TNIK: variants seen among roughly 807,000 people sequenced by gnomAD.
The protein encoded by TNIK is TRAF2 and NCK-interacting protein kinase.
TNIK carries 49 observed loss-of-function variants against 191.3 expected under a neutral mutation model. The ratio of observed to expected loss-of-function variants is 0.26; its 90% confidence interval spans 0.20 to 0.32. TNIK has a LOEUF of 0.32. TNIK is among the 10% of genes least tolerant of loss of function. TNIK has a pLI of 1.00. For synonymous variants in TNIK, 594 were observed against 600.9 expected, an observed-to-expected ratio of 0.99 and a Z score of 0.17; for missense variants, 1,155 against 1,702.3, an observed-to-expected ratio of 0.68 and a Z score of 5.66.
chr3:171,257,756 C>T (rs1747063779), intron 2 of TNIK, among the ~76,000 whole-genome samples: 4 of 152,178 alleles, frequency 2.6e-5, no homozygotes, highest in Admixed American at 2.6e-4. Context: ...TAAACTAAGC[C>T]ACACTTGATG....
intron 1 of TNIK, among the ~76,000 whole-genome samples, chr3:171,381,291 A>T (rs1293995182): frequency 6.6e-6 from 1 of 152,160 alleles, no homozygotes. Context: ...GTTTGGGAAC[A>T]CTAGGTTAAA....
intron 2 of TNIK, among the ~76,000 whole-genome samples, chr3:171,237,956 A>T (rs1744500138): frequency 6.6e-6 from 1 of 152,224 alleles, no homozygotes; most frequent in Non-Finnish European, 1.5e-5. Context: ...GACTGGAGAC[A>T]GCAACATTCT....
At chr3:171,381,028 C>T (rs1038042342) in intron 1 of TNIK, among the ~76,000 whole-genome samples, 5 of 151,920 alleles carry the variant, frequency 3.3e-5, no homozygotes, top group African/African-American at 1.2e-4. Flanking sequence ...AAATCTCATA[C>T]AGATGTTAAT....
chr3:171,101,544 G>A lies in TNIK; in HGVS notation c.2496C>T (p.Ser832=). The A allele has an allele frequency of 6.2e-7, 1 of 1,613,428 alleles. No homozygotes were observed. Among genetic ancestry groups the A allele is most frequent in the Non-Finnish European group, 8.5e-7 (1 of 1,179,542 alleles). The change falls in exon 22 of 33, where the codon TCC becomes TCT. Residue 832 remains serine (S), a synonymous_variant. Transcript: ENST00000436636. ...CCTCGCTACTTTCTGACTCCTCACTGGAGGAGGAGTAATCAGTCACCTTCT... is the reference window on the plus strand; with the variant it reads ...CCTCGCTACTTTCTGACTCCTCACTAGAGGAGGAGTAATCAGTCACCTTCT... The part of the protein sequence containing the change: ...PMKKVTDYSS[S]SEESESSEEE...
chr3:171,401,693 T>G (rs1447019397), intron 1 of TNIK, among the ~76,000 whole-genome samples: 8 of 152,138 alleles, frequency 5.3e-5, no homozygotes, highest in Non-Finnish European at 1.2e-4. Context: ...CCAGGAGGGT[T>G]CAGAAATGTA....
chr3:171,221,071 C>T (rs1340919589), intron 3 of TNIK, among the ~76,000 whole-genome samples: 1 of 152,106 alleles, frequency 6.6e-6, no homozygotes, highest in Non-Finnish European at 1.5e-5. Flanking sequence ...ATTTTTAGAA[C>T]CCTAGAAGCT....
chr3:171,448,383 C>G (rs948145168), intron 1 of TNIK, among the ~76,000 whole-genome samples: 2 of 152,108 alleles, frequency 1.3e-5, no homozygotes, highest in African/African-American at 4.8e-5. Flanking sequence ...TGTGTCTTCT[C>G]GTGTTTGGCT....
rs142288985 is a variant in TNIK, at chr3:171,143,047, G to A, written c.1222-2538C>T. Among the ~76,000 whole-genome samples the A allele has an allele frequency of 2.1e-3, 325 of 152,288 alleles. 4 individuals carry two copies. Among genetic ancestry groups the A allele is most frequent in the African/African-American group, 7.3e-3 (305 of 41,570 alleles). The stretch of plus-strand genomic sequence containing the variant: ...ACAGTATTGATTGCAACTCAAGAGC[G>A]TCTGGGCTTCCCAAGTACTCTGTAG... On this transcript the variant is annotated intron_variant, in intron 12 of 32. Coordinates refer to ENST00000436636, the MANE Select transcript of TNIK (RefSeq NM_015028.4).
At chr3:171,263,978 C>T (rs999341663) in intron 2 of TNIK, among the ~76,000 whole-genome samples, 1 of 151,414 alleles carries the variant, frequency 6.6e-6, no homozygotes, top group Non-Finnish European at 1.5e-5. Context: ...ACCAGGTCAC[C>T]TGAGGCATGC....
intron 3 of TNIK, among the ~76,000 whole-genome samples, chr3:171,219,306 A>G (rs190008683): frequency 1.5e-3 from 219 of 144,860 alleles, no homozygotes; most frequent in Non-Finnish European, 2.6e-3. Flanking sequence ...CATTTTATAT[A>G]TATAATGATG....
rs1577410257 is a variant in TNIK at position 171,304,590 on chromosome 3, G to A, written c.123+65030C>T. ...GTTTATTGCGGCACTATTCACAATA[G>A]CAAAGACTTGGAACCAACCCAAATG... On this transcript the variant is annotated intron_variant, in intron 2 of 32. Coordinates refer to ENST00000436636, the MANE Select transcript of TNIK (RefSeq NM_015028.4). Among the ~76,000 whole-genome samples the A allele has an allele frequency of 3.3e-5, 5 of 152,250 alleles. No individual in the cohort carries two copies. The South Asian group carries it at 1.0e-3, about 32-fold the overall frequency.
intron 1 of TNIK, among the ~76,000 whole-genome samples, chr3:171,377,052 C>A (rs1204522466): frequency 6.6e-6 from 1 of 152,192 alleles, no homozygotes; most frequent in Non-Finnish European, 1.5e-5. Context: ...CTAGGTAACT[C>A]CCCAGCTCCC....
At chr3:171,333,093 T>G (rs1756569840) in intron 2 of TNIK, among the ~76,000 whole-genome samples, 1 of 152,164 alleles carries the variant, frequency 6.6e-6, no homozygotes, top group South Asian at 2.1e-4. Context: ...AGGCCCCAGT[T>G]GATGGCCTTC....
intron 2 of TNIK, among the ~76,000 whole-genome samples, chr3:171,296,380 C>T (rs912841858): frequency 2.6e-5 from 4 of 152,168 alleles, no homozygotes; most frequent in African/African-American, 9.7e-5. Context: ...CCCAACACAC[C>T]CTTTTTAAAA....
chr3:171,228,083 G>T lies in TNIK; in HGVS notation c.180+82C>A, dbSNP rs1034419302. ...CAACTTAACAATATTTTCTACTTATGATGGGCCTATCAGGATGTGAACTCA... is the reference window on the plus strand; with the variant it reads ...CAACTTAACAATATTTTCTACTTATTATGGGCCTATCAGGATGTGAACTCA... On this transcript the variant is annotated intron_variant, in intron 3 of 32. Coordinates refer to ENST00000436636, the MANE Select transcript of TNIK (RefSeq NM_015028.4). 3.5e-6 allele frequency: 5 copies of T among 1,443,176 alleles called. No homozygotes were observed. In the South Asian group the frequency reaches 5.9e-5, roughly 17 times the overall value. 89.4% of individuals were successfully genotyped at this position (1,443,176 alleles called of 1,614,324 possible).
intron 2 of TNIK, among the ~76,000 whole-genome samples, chr3:171,346,261 TGCC>T (rs1712171214): frequency 6.6e-6 from 1 of 152,204 alleles, no homozygotes; most frequent in Admixed American, 6.5e-5. Context: ...TGTAGATAAA[TGCC>T]TTCAAGTCTC....
chr3:171,243,090 A>C (rs16856040), intron 2 of TNIK, among the ~76,000 whole-genome samples: 10,761 of 152,258 alleles, frequency 0.071, 463 homozygotes, highest in Middle Eastern at 0.13. Context: ...GTTTTCATGA[A>C]GAAGAGAAAT....
intron 2 of TNIK, among the ~76,000 whole-genome samples, chr3:171,324,472 T>A (rs1410988624): frequency 1.3e-5 from 2 of 152,078 alleles, no homozygotes; most frequent in Non-Finnish European, 2.9e-5. Context: ...GTTATTTTCA[T>A]ACAAATGGCT....
intron 2 of TNIK, among the ~76,000 whole-genome samples, chr3:171,254,478 T>G (rs1746608706): frequency 6.6e-6 from 1 of 152,218 alleles, no homozygotes; most frequent in Non-Finnish European, 1.5e-5. Flanking sequence ...AACCCAGATT[T>G]CCTGCCTGCA....
Sources: gnomAD v4.1 joint callset for allele counts (sites outside exome capture counted in the v4.1 genomes callset) on GRCh38, gnomAD v4.1.1 for gene constraint, MANE v1.5 for transcripts, NCBI Gene and HGNC (gene_info 2026-07-23, HGNC 2026-07-21) for gene names.